The following ITIH5 variants were observed in gnomAD, a reference collection of about 807,000 sequenced individuals.
ITIH5 encodes inter-alpha-trypsin inhibitor heavy chain 5.
Under a neutral mutation model 77.5 loss-of-function variants are expected in ITIH5, and 65 were observed. That is an observed-to-expected ratio of 0.84 (90% CI 0.69 to 1.03). ITIH5 has a LOEUF of 1.03. Ranked by LOEUF, ITIH5 falls within the 50% of genes least tolerant of loss-of-function variation. ITIH5 has a pLI of 0.00. For missense variants in ITIH5, 1,208 were observed against 1,213.1 expected, an observed-to-expected ratio of 1.00 and a Z score of 0.06; for synonymous variants, 525 against 494.3, an observed-to-expected ratio of 1.06 and a Z score of -0.82.
chr10:7,655,773 G>T, intron 1 of ITIH5, 98 bp from the exon 2 acceptor site: 2 of 923,368 alleles, frequency 2.2e-6, no homozygotes, highest in Non-Finnish European at 3.5e-6. Context: ...ATACAAGGGG[G>T]TTAAAATCTA....
At chr10:7,569,520 C>T (rs1409171474) in intron 12 of ITIH5, 148 bp downstream of exon 12, 17 of 522,026 alleles carry the variant, frequency 3.3e-5, no homozygotes, top group South Asian at 1.7e-4. Flanking sequence ...AGTCCAGGAG[C>T]GCAGTGCGCT....
intron 5 of ITIH5, chr10:7,620,339 T>C (rs1833454004): frequency 2.0e-5 from 3 of 152,196 alleles, no homozygotes; most frequent in Admixed American, 1.3e-4. Context: ...AAATATCAGA[T>C]ACAAAAGCGC....
At chr10:7,569,588 G>C (rs977268882) in intron 12 of ITIH5, 80 bp downstream of exon 12, 7 of 871,392 alleles carry the variant, frequency 8.0e-6, no homozygotes, top group Non-Finnish European at 1.2e-5. Context: ...TGGATCACTG[G>C]ACATCCATCT....
At chr10:7,607,914 G>C (rs907742685) in intron 7 of ITIH5, among the ~76,000 whole-genome samples, 1 of 152,208 alleles carries the variant, frequency 6.6e-6, no homozygotes, top group Non-Finnish European at 1.5e-5. Flanking sequence ...AAGCCAAAAA[G>C]GGAAGCTAGA....
chr10:7,605,776 T>C (rs1454404744), intron 7 of ITIH5, among the ~76,000 whole-genome samples: 1 of 152,248 alleles, frequency 6.6e-6, no homozygotes, highest in Non-Finnish European at 1.5e-5. Context: ...CACTTCTCAT[T>C]TAATTCTCTT....
chr10:7,597,996 T>C lies in ITIH5; in HGVS notation c.940-11927A>G, dbSNP rs528625270. Among the ~76,000 whole-genome samples, 4 of 152,248 alleles carry C rather than the reference T, an allele frequency of 2.6e-5. 1 individual carries two copies. The South Asian group carries it at 8.3e-4, about 32-fold the overall frequency. ...CATAATGTATTTGGGTCCATATCATTGTTGTACTTCTAAAAAATCTAGCAA... is the reference window on the plus strand; with the variant it reads ...CATAATGTATTTGGGTCCATATCATCGTTGTACTTCTAAAAAATCTAGCAA... On this transcript the variant is annotated intron_variant, in intron 7 of 13. Coordinates refer to ENST00000397146, the MANE Select transcript of ITIH5 (RefSeq NM_030569.7).
chr10:7,642,450 T>C (rs1011689073), intron 2 of ITIH5, among the ~76,000 whole-genome samples: 62 of 152,316 alleles, frequency 4.1e-4, no homozygotes, highest in Non-Finnish European at 7.9e-4. Context: ...TACTCTTCTG[T>C]TATCACTTTT....
At chr10:7,640,526 G>A (rs1374069408) in intron 4 of ITIH5, among the ~76,000 whole-genome samples, 1 of 150,688 alleles carries the variant, frequency 6.6e-6, no homozygotes, top group African/African-American at 2.4e-5. Flanking sequence ...AATATTAGAA[G>A]AGGATATGTG....
chr10:7,589,888 G>A (rs1235596727), intron 7 of ITIH5, among the ~76,000 whole-genome samples: 1 of 151,996 alleles, frequency 6.6e-6, no homozygotes, highest in Non-Finnish European at 1.5e-5. Context: ...CTCCCTGGAG[G>A]GGATTGGTGC....
At chr10:7,621,389 T>C (rs972198027) in intron 5 of ITIH5, 1 of 152,198 alleles carries the variant, frequency 6.6e-6, no homozygotes, top group Non-Finnish European at 1.5e-5. Flanking sequence ...CTAGGCTCTT[T>C]GATATGGACC....
At chr10:7,650,022 C>T (rs925977362) in intron 2 of ITIH5, among the ~76,000 whole-genome samples, 1 of 152,178 alleles carries the variant, frequency 6.6e-6, no homozygotes, top group Non-Finnish European at 1.5e-5. Context: ...ATAATTTCTT[C>T]ATTATTTTTT....
intron 7 of ITIH5, among the ~76,000 whole-genome samples, chr10:7,591,023 C>T (rs895623876): frequency 6.6e-5 from 10 of 152,148 alleles, no homozygotes; most frequent in African/African-American, 2.4e-4. Context: ...CAGCCTCCCG[C>T]GTAGCTGGGC....
intron 5 of ITIH5, among the ~76,000 whole-genome samples, chr10:7,633,825 C>A (rs547774418): frequency 6.6e-6 from 1 of 152,098 alleles, no homozygotes; most frequent in African/African-American, 2.4e-5. Context: ...CGCGGTGGCT[C>A]ACGCCTGTAA....
At chr10:7,598,928 C>T (rs984246283) in intron 7 of ITIH5, among the ~76,000 whole-genome samples, 1 of 152,132 alleles carries the variant, frequency 6.6e-6, no homozygotes, top group African/African-American at 2.4e-5. Flanking sequence ...GTTTGCATAA[C>T]ATTACTCTAA....
At chr10:7,573,999 A>G (rs1458564699) in intron 10 of ITIH5, among the ~76,000 whole-genome samples, 2 of 152,198 alleles carry the variant, frequency 1.3e-5, no homozygotes. Context: ...GTAAGGTGGT[A>G]AATTTTATGT....
chr10:7,564,460 C>T (rs1361454350), intron 13 of ITIH5, among the ~76,000 whole-genome samples: 2 of 151,882 alleles, frequency 1.3e-5, no homozygotes, highest in Non-Finnish European at 2.9e-5. Flanking sequence ...TTTAGTGTAC[C>T]TTTTCTATGT....
intron 7 of ITIH5, among the ~76,000 whole-genome samples, chr10:7,602,368 AC>A (rs1245186660): frequency 1.7e-4 from 26 of 152,268 alleles, no homozygotes; most frequent in African/African-American, 6.0e-4. Context: ...CTGTGTCCCC[AC>A]CCGAATCTCA....
chr10:7,599,441 T>C (rs1278693786), intron 7 of ITIH5, among the ~76,000 whole-genome samples: 2 of 152,216 alleles, frequency 1.3e-5, no homozygotes, highest in Non-Finnish European at 2.9e-5. Context: ...CGCTAACTGA[T>C]AAAATGATTG....
intron 5 of ITIH5, chr10:7,618,540 G>A (rs987974705): frequency 6.6e-6 from 1 of 152,134 alleles, no homozygotes; most frequent in African/African-American, 2.4e-5. Context: ...CAAAAGATGA[G>A]GTCTGCATGC....
Sources: gnomAD v4.1 joint callset for allele counts (sites outside exome capture counted in the v4.1 genomes callset) on GRCh38, gnomAD v4.1.1 for gene constraint, MANE v1.5 for transcripts, NCBI Gene and HGNC (gene_info 2026-07-23, HGNC 2026-07-21) for gene names.